Variants in CPS1 observed in about 807,000 individuals in gnomAD.
The protein encoded by CPS1 is carbamoyl-phosphate synthase 1, also known as carbamoyl-phosphate synthase [ammonia], mitochondrial.
CPS1 carries 109 observed loss-of-function variants against 174.6 expected under a neutral mutation model. That is an observed-to-expected ratio of 0.62 (90% CI 0.53 to 0.73). CPS1 has a LOEUF of 0.73. Among genes scored for constraint, CPS1 ranks in the 30% least tolerant of loss-of-function variants. The pLI, the probability that CPS1 is intolerant of heterozygous loss-of-function variation, is 0.00. For missense variants in CPS1, 1,689 were observed against 1,821.9 expected (o/e 0.93, Z 1.33); for synonymous variants, 637 against 632.0 (o/e 1.01, Z -0.12).
At chr2:210,655,977 G>A (rs1401915312) in intron 29 of CPS1, among the ~76,000 whole-genome samples, 1 of 152,004 alleles carries the variant, frequency 6.6e-6, no homozygotes, top group Non-Finnish European at 1.5e-5. Flanking sequence ...CCTGAACCTG[G>A]GTTATTTATT....
chr2:210,599,668 T>C (rs1183754926), intron 14 of CPS1, 107 bp downstream of exon 14: 4 of 1,232,662 alleles, frequency 3.2e-6, no homozygotes, highest in Non-Finnish European at 4.7e-6. Flanking sequence ...CATAAAACCT[T>C]TCCTCTACTG....
chr2:210,486,405 G>A (rs1018170777), intron 1 of CPS1, among the ~76,000 whole-genome samples: 6 of 152,222 alleles, frequency 3.9e-5, no homozygotes, highest in South Asian at 2.1e-4. Flanking sequence ...ACTCACAGAA[G>A]TACACGTGCC....
intron 13 of CPS1, among the ~76,000 whole-genome samples, chr2:210,596,072 G>A (rs188317923): frequency 6.6e-6 from 1 of 151,862 alleles, no homozygotes; most frequent in Admixed American, 6.6e-5. Context: ...TCTGTCACTG[G>A]GGGACACAGT....
intron 1 of CPS1, among the ~76,000 whole-genome samples, chr2:210,493,013 C>T (rs1694909333): frequency 6.6e-6 from 1 of 152,118 alleles, no homozygotes; most frequent in Non-Finnish European, 1.5e-5. Context: ...TCTATAAGTT[C>T]TATCTGTGAT....
In CPS1 at chr2:210,658,513, A is replaced by G. The variant is rs1383339452; in HGVS notation, c.3667-86A>G. The stretch of plus-strand genomic sequence containing the variant: ...TGTGAAGAGAAATTAAAGACATCCA[A>G]ATTTAAGGTACTGTGCCTTTTAGAA... On this transcript the variant is annotated intron_variant, in intron 30 of 37. Transcript: ENST00000233072. 5.1e-6 allele frequency: 5 copies of G among 984,698 alleles called. No homozygotes were observed. In the Admixed American group the frequency reaches 9.1e-5, roughly 18 times the overall value. 61.0% of individuals were successfully genotyped at this position (984,698 alleles called of 1,614,324 possible).
chr2:210,590,391 G>A (rs1698254451), intron 8 of CPS1, among the ~76,000 whole-genome samples, 157 bp downstream of exon 8: 1 of 152,024 alleles, frequency 6.6e-6, no homozygotes, highest in South Asian at 2.1e-4. Flanking sequence ...TTCTGTAGGG[G>A]AACCAATGAG....
intron 1 of CPS1, among the ~76,000 whole-genome samples, chr2:210,527,298 C>T (rs566338516): frequency 1.3e-5 from 2 of 151,946 alleles, no homozygotes; most frequent in East Asian, 3.9e-4. Flanking sequence ...TAAGGGACCT[C>T]CAGCTAACTG....
At chr2:210,575,954 A>G (rs540068250) in intron 2 of CPS1, among the ~76,000 whole-genome samples, 1 of 152,236 alleles carries the variant, frequency 6.6e-6, no homozygotes, top group East Asian at 1.9e-4. Context: ...AGCCCTCAAC[A>G]GTAAATATCA....
In CPS1 at chr2:210,678,210, C is replaced by G. The variant is rs966996004; in HGVS notation, c.*225C>G. 1.7e-6 allele frequency: 1 copy of G among 595,732 alleles called. No homozygotes were observed. Among genetic ancestry groups the G allele is most frequent in the Non-Finnish European group, 3.0e-6 (1 of 328,012 alleles). 36.9% of individuals were successfully genotyped at this position (595,732 alleles called of 1,614,324 possible). ...CTCTTCATGAGATTTCATCCATTTACTAATACTGTATTTTTGGTGGACTAG... is the reference window on the plus strand; with the variant it reads ...CTCTTCATGAGATTTCATCCATTTAGTAATACTGTATTTTTGGTGGACTAG... On this transcript the variant is annotated 3_prime_UTR_variant, in exon 38 of 38. Transcript: ENST00000233072.
chr2:210,494,137 A>G (rs149999107), intron 1 of CPS1, among the ~76,000 whole-genome samples: 23 of 152,366 alleles, frequency 1.5e-4, no homozygotes, highest in African/African-American at 3.8e-4. Flanking sequence ...TCATGCAGGC[A>G]TTAGAACATT....
chr2:210,632,903 T>C (rs1699913477), intron 21 of CPS1, among the ~76,000 whole-genome samples: 1 of 152,246 alleles, frequency 6.6e-6, no homozygotes, highest in South Asian at 2.1e-4. Flanking sequence ...TACATTCTAA[T>C]TTTTAAGACA....
chr2:210,504,741 C>T (rs951173544), intron 1 of CPS1, among the ~76,000 whole-genome samples: 5 of 152,188 alleles, frequency 3.3e-5, no homozygotes, highest in African/African-American at 1.2e-4. Flanking sequence ...TCAACAGATG[C>T]TCCAAACCCA....
At chr2:210,607,509 A>G (rs1698960299) in intron 18 of CPS1, among the ~76,000 whole-genome samples, 2 of 151,946 alleles carry the variant, frequency 1.3e-5, no homozygotes, top group African/African-American at 4.8e-5. Context: ...GTTTCTAATA[A>G]TATATTTAGC....
chr2:210,599,242 G>T lies in CPS1; in HGVS notation c.1360-130G>T, dbSNP rs1009874506. 82 of 770,858 alleles carry T rather than the reference G, an allele frequency of 1.1e-4. No individual in the cohort carries two copies. In the Middle Eastern group the frequency reaches 1.1e-3, roughly 10 times the overall value. 47.8% of individuals were successfully genotyped at this position (770,858 alleles called of 1,614,324 possible). On this transcript the variant is annotated intron_variant, in intron 13 of 37. Transcript: ENST00000233072. ...GTCTTCCTTTAACTTCCATTCACTA[G>T]TCCTGTTACGGATCTCTACGGCCCA...
chr2:210,534,307 A>G (rs1385462019), intron 1 of CPS1, among the ~76,000 whole-genome samples: 2 of 152,196 alleles, frequency 1.3e-5, no homozygotes, highest in Admixed American at 6.5e-5. Flanking sequence ...GTGCTGGGAA[A>G]GGGATGAAGG....
chr2:210,524,047 A>G (rs1695906064), intron 1 of CPS1, among the ~76,000 whole-genome samples: 1 of 152,036 alleles, frequency 6.6e-6, no homozygotes, highest in African/African-American at 2.4e-5. Context: ...CAGCATATGC[A>G]AAAGCACCTA....
In CPS1 at chr2:210,660,696, A is replaced by G. The variant is rs41272671; in HGVS notation, c.3927+41A>G. ...ATTTATTAGTCATTTTATGAGTTCT[A>G]GTGAAATTAAAAGAACAATTTGTCA... is the stretch of plus-strand genomic sequence containing the variant. On this transcript the variant is annotated intron_variant, in intron 32 of 37. Transcript: ENST00000233072. The G allele has an allele frequency of 0.037, 58,349 of 1,570,102 alleles. 1,300 individuals are homozygous for G. The highest frequency in any genetic ancestry group is 0.071 in the Middle Eastern group (424 of 5,980).
intron 1 of CPS1, among the ~76,000 whole-genome samples, chr2:210,489,157 A>G (rs1332770201): frequency 6.6e-6 from 1 of 152,170 alleles, no homozygotes; most frequent in Non-Finnish European, 1.5e-5. Context: ...GATCAGTGCA[A>G]ACAGCCCTGA....
At chr2:210,563,261 C>G (rs781101449) in intron 1 of CPS1, among the ~76,000 whole-genome samples, 17 of 152,026 alleles carry the variant, frequency 1.1e-4, no homozygotes, top group Non-Finnish European at 1.9e-4. Flanking sequence ...AATGTTATGG[C>G]AATACGACAC....
Sources: allele counts gnomAD v4.1 joint callset (sites outside exome capture counted in the v4.1 genomes callset), GRCh38; gene constraint gnomAD v4.1.1; transcripts MANE v1.5; gene names NCBI Gene and HGNC (gene_info 2026-07-23, HGNC 2026-07-21).